CFAP299: variants seen among roughly 807,000 people sequenced by gnomAD.
CFAP299 encodes cilia- and flagella-associated protein 299.
CFAP299 carries 21 observed loss-of-function variants against 27.0 expected under a neutral mutation model. That is an observed-to-expected ratio of 0.78 (90% CI 0.55 to 1.12). CFAP299 has a LOEUF of 1.12. Among genes scored for constraint, CFAP299 ranks in the 50% most tolerant of loss-of-function variants. The pLI is 0.00. For synonymous variants in CFAP299, 104 were observed against 98.1 expected (o/e 1.06, Z -0.36); for missense variants, 310 against 276.6 (o/e 1.12, Z -0.86).
Position 80,583,103 on chromosome 4 carries a change from A to C in CFAP299, c.253A>C (p.Ser85Arg). 2 of 1,600,852 alleles carry C rather than the reference A, an allele frequency of 1.2e-6. No homozygotes were observed. The highest frequency in any genetic ancestry group is 2.2e-5 in the East Asian group (1 of 44,458). ...ATCTGCCTTTTACAGGACGCTAACA[A>C]GTGCTGGTAAAGACCTACAAGATAA... ...AERAQQKTLT[S>R]AGKDLQDNFL... The change falls in exon 3 of 6, where the codon AGT becomes CGT. Residue 85 changes from serine to arginine, a missense_variant. Coordinates refer to ENST00000358105, the MANE Select transcript of CFAP299 (RefSeq NM_152770.3).
chr4:80,340,510 T>A (rs1337580204), intron 1 of CFAP299, among the ~76,000 whole-genome samples: 1 of 152,182 alleles, frequency 6.6e-6, no homozygotes. Context: ...TCAAGCAGTG[T>A]CATTCTGCAG....
At chr4:80,502,841 A>G (rs1731809496) in intron 2 of CFAP299, among the ~76,000 whole-genome samples, 1 of 152,138 alleles carries the variant, frequency 6.6e-6, no homozygotes, top group Non-Finnish European at 1.5e-5. Flanking sequence ...ATGTGAAATC[A>G]AACTCTTTCT....
chr4:80,462,233 G>T (rs187469620), intron 2 of CFAP299, among the ~76,000 whole-genome samples: 254 of 152,214 alleles, frequency 1.7e-3, no homozygotes, highest in South Asian at 3.5e-3. Flanking sequence ...TATATAGTCA[G>T]TCAATTCTCT....
At position 80,431,407 on chromosome 4, in the gene CFAP299, C is replaced by T. The variant is rs928142674; in HGVS notation, c.242+68523C>T. On this transcript the variant is annotated intron_variant, in intron 2 of 5. Transcript: ENST00000358105. ...TTCTTCCTCCCTCTCTTCCTTTCTT[C>T]CTTCCTCCCTCCTTTTTTCCCTTCC... is the stretch of plus-strand genomic sequence containing the variant. 1.8e-3 allele frequency among the ~76,000 whole-genome samples: 261 copies of T among 142,620 alleles called. 3 individuals carry two copies. The highest frequency in any genetic ancestry group is 5.9e-3 in the African/African-American group (237 of 39,856). 93.6% of individuals were successfully genotyped at this position (142,620 alleles called of 152,430 possible). A position where few individuals can be genotyped will look rare whatever the true frequency, so the allele number is the denominator to read the frequency against.
At chr4:80,533,600 A>G (rs1486015) in intron 2 of CFAP299, among the ~76,000 whole-genome samples, 14,069 of 152,270 alleles carry the variant, frequency 0.092, 717 homozygotes, top group Non-Finnish European at 0.11. Flanking sequence ...AGAAAATTGT[A>G]TGCACTAAAT....
At chr4:80,770,961 G>A (rs936549983) in intron 3 of CFAP299, among the ~76,000 whole-genome samples, 3 of 152,114 alleles carry the variant, frequency 2.0e-5, no homozygotes, top group Admixed American at 1.3e-4. Flanking sequence ...GTTAGGTCAG[G>A]CCCACCTAGA....
chr4:80,963,572 A>C lies in CFAP299; in HGVS notation c.662A>C (p.Gln221Pro), dbSNP rs1392389482. 25 of 1,608,108 alleles carry C rather than the reference A, an allele frequency of 1.6e-5. No homozygotes were observed. The highest frequency in any genetic ancestry group is 2.1e-5 in the Non-Finnish European group (25 of 1,176,806). The change falls in exon 6 of 6, where the codon CAA becomes CCA. Residue 221 changes from glutamine (Q) to proline (P), a missense_variant. By Grantham distance (76) the Gln-to-Pro change is moderately conservative. Coordinates refer to ENST00000358105, the MANE Select transcript of CFAP299 (RefSeq NM_152770.3). The part of the protein sequence containing the change: ...RITILTELYV[Q>P]AVIFDHISRR... Reference sequence around the variant, plus strand: ...ACTATCCTGACAGAACTCTACGTACAAGCTGTCATTTTTGACCACATTTCC... The same window carrying C: ...ACTATCCTGACAGAACTCTACGTACCAGCTGTCATTTTTGACCACATTTCC...
At chr4:80,754,072 T>C (rs1405525320) in intron 3 of CFAP299, among the ~76,000 whole-genome samples, 1 of 152,132 alleles carries the variant, frequency 6.6e-6, no homozygotes, top group Non-Finnish European at 1.5e-5. Context: ...AATCTTGTGG[T>C]TTTTGTTGTT....
At chr4:80,593,093 A>G (rs1736866041) in intron 3 of CFAP299, among the ~76,000 whole-genome samples, 1 of 152,156 alleles carries the variant, frequency 6.6e-6, no homozygotes, top group African/African-American at 2.4e-5. Context: ...AATATATTTT[A>G]CAGCTGGGTC....
chr4:80,891,829 GGA>G (rs1491579225), intron 4 of CFAP299, among the ~76,000 whole-genome samples: 2 of 22,738 alleles, frequency 8.8e-5, no homozygotes, highest in South Asian at 1.1e-3. Context: ...CTAGATTAAA[GGA>G]AAAAAAAAAA....
At chr4:80,382,022 G>C (rs1488251554) in intron 2 of CFAP299, among the ~76,000 whole-genome samples, 2 of 152,162 alleles carry the variant, frequency 1.3e-5, no homozygotes, top group African/African-American at 2.4e-5. Context: ...AGAAAGAAAA[G>C]GTTGAAGAAA....
intron 4 of CFAP299, among the ~76,000 whole-genome samples, chr4:80,888,623 T>C (rs964740883): frequency 3.3e-5 from 5 of 152,076 alleles, no homozygotes; most frequent in Admixed American, 3.3e-4. Context: ...CAAATGTGCC[T>C]AATAGATATT....
intron 3 of CFAP299, among the ~76,000 whole-genome samples, chr4:80,776,495 C>T (rs533535968): frequency 4.3e-4 from 65 of 152,158 alleles, no homozygotes; most frequent in African/African-American, 1.5e-3. Context: ...GTGACTTCAA[C>T]AGAATTAAGA....
chr4:80,914,953 G>A (rs1735671292), intron 4 of CFAP299, among the ~76,000 whole-genome samples: 1 of 151,696 alleles, frequency 6.6e-6, no homozygotes, highest in East Asian at 1.9e-4. Flanking sequence ...TTGTTTTTCT[G>A]TCCTTAATTT....
At chr4:80,478,529 A>G (rs944734557) in intron 2 of CFAP299, among the ~76,000 whole-genome samples, 6 of 152,110 alleles carry the variant, frequency 3.9e-5, no homozygotes, top group Admixed American at 6.6e-5. Flanking sequence ...GCACATTTTG[A>G]AAAACAATAT....
intron 3 of CFAP299, among the ~76,000 whole-genome samples, chr4:80,603,819 A>C (rs1364726064): frequency 2.6e-5 from 4 of 152,190 alleles, no homozygotes; most frequent in Non-Finnish European, 4.4e-5. Context: ...GTAATTCAAG[A>C]ATAAAAAACT....
At chr4:80,456,779 G>A (rs1729184080) in intron 2 of CFAP299, among the ~76,000 whole-genome samples, 2 of 152,132 alleles carry the variant, frequency 1.3e-5, no homozygotes, top group South Asian at 4.1e-4. Flanking sequence ...TGTGACTCAT[G>A]CATGTAATCA....
chr4:80,608,341 A>G, intron 3 of CFAP299: 2 of 1,530,670 alleles, frequency 1.3e-6, no homozygotes, highest in Non-Finnish European at 1.8e-6. Flanking sequence ...AGCTAAATCA[A>G]CAGGAGACTG....
intron 2 of CFAP299, 107 bp downstream of exon 2, chr4:80,362,991 A>G (rs1182826448): frequency 8.0e-7 from 1 of 1,253,286 alleles, no homozygotes; most frequent in Non-Finnish European, 1.1e-6. Flanking sequence ...TGGAGCAGGT[A>G]AAACTTGGAA....
Sources: allele counts gnomAD v4.1 joint callset (sites outside exome capture counted in the v4.1 genomes callset), GRCh38; gene constraint gnomAD v4.1.1; transcripts MANE v1.5; gene names NCBI Gene and HGNC (gene_info 2026-07-23, HGNC 2026-07-21).